NDST4: variants seen among roughly 807,000 people sequenced by gnomAD.
NDST4 encodes the protein N-deacetylase and N-sulfotransferase 4, also known as N-heparan sulfate sulfotransferase 4.
Under a neutral mutation model 100.8 loss-of-function variants are expected in NDST4, and 63 were observed. The ratio of observed to expected loss-of-function variants is 0.62; its 90% confidence interval spans 0.51 to 0.77. The LOEUF (loss-of-function observed/expected upper bound fraction) is 0.77. Ranked by LOEUF, NDST4 falls within the 30% of genes least tolerant of loss-of-function variation. The probability of loss-of-function intolerance (pLI) is 0.00; values close to 1 mark genes in which losing one functional copy is unlikely to be tolerated. For synonymous variants in NDST4, 377 were observed against 361.8 expected (o/e 1.04, Z -0.48); for missense variants, 943 against 1,018.4 (o/e 0.93, Z 1.01).
intron 3 of NDST4, among the ~76,000 whole-genome samples, chr4:114,974,534 C>T (rs946807617): frequency 6.6e-6 from 1 of 152,124 alleles, no homozygotes; most frequent in Non-Finnish European, 1.5e-5. Flanking sequence ...TGGGTAGCTC[C>T]TCTTTCAAAG....
chr4:115,089,949 T>C (rs1433961288), intron 1 of NDST4, among the ~76,000 whole-genome samples: 1 of 151,616 alleles, frequency 6.6e-6, no homozygotes, highest in Non-Finnish European at 1.5e-5. Flanking sequence ...AATTTATCTA[T>C]TTATTTATAT....
chr4:115,035,955 T>C (rs954637406), intron 2 of NDST4, among the ~76,000 whole-genome samples: 5 of 152,000 alleles, frequency 3.3e-5, no homozygotes, highest in African/African-American at 4.8e-5. Context: ...GAGCATAACT[T>C]GAATTTATCT....
chr4:114,832,013 A>T (rs1404528704), intron 12 of NDST4, among the ~76,000 whole-genome samples: 1 of 152,120 alleles, frequency 6.6e-6, no homozygotes. Context: ...GATGTGTGAG[A>T]CATATTAAAA....
At chr4:115,025,281 C>G (rs1727959053) in intron 2 of NDST4, among the ~76,000 whole-genome samples, 1 of 152,060 alleles carries the variant, frequency 6.6e-6, no homozygotes, top group Non-Finnish European at 1.5e-5. Flanking sequence ...CTACTTGCAT[C>G]CATGAAATTA....
intron 2 of NDST4, among the ~76,000 whole-genome samples, chr4:115,045,138 C>T (rs1366398285): frequency 6.6e-6 from 1 of 151,942 alleles, no homozygotes; most frequent in African/African-American, 2.4e-5. Context: ...AAAAATAAGA[C>T]CTCAAGTTTT....
intron 2 of NDST4, among the ~76,000 whole-genome samples, chr4:115,051,101 C>T (rs1190547024): frequency 5.3e-5 from 8 of 151,884 alleles, no homozygotes; most frequent in African/African-American, 1.4e-4. Context: ...TGCTTACTAC[C>T]TTTCAATATT....
chr4:115,109,090 GAA>G (rs1729889683), intron 1 of NDST4, among the ~76,000 whole-genome samples: 1 of 150,680 alleles, frequency 6.6e-6, no homozygotes, highest in Non-Finnish European at 1.5e-5. Flanking sequence ...GGTAAAATAA[GAA>G]GAGAAGAGAG....
At chr4:114,947,072 T>C (rs535703174) in intron 4 of NDST4, among the ~76,000 whole-genome samples, 3 of 152,154 alleles carry the variant, frequency 2.0e-5, no homozygotes, top group African/African-American at 7.2e-5. Context: ...GGAAAAGGTA[T>C]AGAAGAGTAG....
intron 2 of NDST4, among the ~76,000 whole-genome samples, chr4:115,033,157 A>ATATATAT (rs1491126767): frequency 3.3e-5 from 2 of 59,948 alleles, no homozygotes; most frequent in Non-Finnish European, 3.5e-5. Context: ...ATATATATAT[A>ATATATAT]TTTTTTTTTT....
At chr4:114,887,600 A>G (rs1724506855) in intron 6 of NDST4, among the ~76,000 whole-genome samples, 1 of 152,218 alleles carries the variant, frequency 6.6e-6, no homozygotes. Context: ...GCAAACAGAC[A>G]TCCATACAAG....
intron 10 of NDST4, among the ~76,000 whole-genome samples, chr4:114,840,443 A>G (rs1242280821): frequency 6.6e-6 from 1 of 152,178 alleles, no homozygotes; most frequent in Admixed American, 6.5e-5. Context: ...GAGACAATAG[A>G]TTGGAATAAA....
intron 2 of NDST4, among the ~76,000 whole-genome samples, chr4:115,021,920 C>T (rs1354039046): frequency 6.6e-6 from 1 of 151,918 alleles, no homozygotes; most frequent in South Asian, 2.1e-4. Context: ...TATATATGTT[C>T]CACATCTATA....
chr4:114,975,968 A>C (rs542384451), intron 3 of NDST4, among the ~76,000 whole-genome samples: 1 of 152,116 alleles, frequency 6.6e-6, no homozygotes, highest in Non-Finnish European at 1.5e-5. Context: ...TCTGCAAAAC[A>C]TCCTTTTAAA....
chr4:115,071,852 A>G (rs1264853037), intron 2 of NDST4, among the ~76,000 whole-genome samples: 4 of 152,072 alleles, frequency 2.6e-5, no homozygotes, highest in African/African-American at 9.7e-5. Flanking sequence ...AAAAGCAAAA[A>G]CTGTGACTAG....
chr4:115,038,596 A>T (rs1728283405), intron 2 of NDST4, among the ~76,000 whole-genome samples: 1 of 152,202 alleles, frequency 6.6e-6, no homozygotes, highest in Non-Finnish European at 1.5e-5. Flanking sequence ...AAAATGACTT[A>T]ACATTTATTT....
chr4:114,844,883 T>A (rs1723510978), intron 10 of NDST4, among the ~76,000 whole-genome samples: 2 of 152,196 alleles, frequency 1.3e-5, no homozygotes, highest in East Asian at 1.9e-4. Context: ...GGGAATCACA[T>A]CACTAAAAGA....
intron 11 of NDST4, among the ~76,000 whole-genome samples, chr4:114,838,293 A>G (rs1246160342): frequency 6.6e-6 from 1 of 152,218 alleles, no homozygotes; most frequent in Non-Finnish European, 1.5e-5. Context: ...CAGAGCTACC[A>G]TTTGACCCAG....
intron 6 of NDST4, among the ~76,000 whole-genome samples, chr4:114,878,511 A>G (rs1301502329): frequency 7.9e-5 from 12 of 152,190 alleles, no homozygotes; most frequent in Non-Finnish European, 1.6e-4. Flanking sequence ...ATATTTAAAA[A>G]ATCAGATTGC....
chr4:115,087,368 C>G (rs1374570386), intron 1 of NDST4, among the ~76,000 whole-genome samples: 4 of 152,046 alleles, frequency 2.6e-5, no homozygotes, highest in Non-Finnish European at 5.9e-5. Flanking sequence ...TAACATTTAT[C>G]AAGAGCCTAT....
Sources: allele counts gnomAD v4.1 joint callset (sites outside exome capture counted in the v4.1 genomes callset), GRCh38; gene constraint gnomAD v4.1.1; transcripts MANE v1.5; gene names NCBI Gene and HGNC (gene_info 2026-07-23, HGNC 2026-07-21).